PAPPA: variants seen among roughly 807,000 people sequenced by gnomAD.
PAPPA encodes the protein pappalysin-1.
A neutral mutation model predicts 164.0 loss-of-function variants in PAPPA; 60 were observed. The observed-to-expected ratio is 0.37, with a 90% confidence interval of 0.30 to 0.45. The LOEUF is 0.45. PAPPA is among the 20% of genes least tolerant of loss of function. PAPPA has a pLI of 1.00. For synonymous variants in PAPPA, 875 were observed against 814.1 expected, an observed-to-expected ratio of 1.07 and a Z score of -1.27; for missense variants, 1,782 against 2,087.3, an observed-to-expected ratio of 0.85 and a Z score of 2.85.
rs368587068 is a variant in PAPPA, at chr9:116,245,202, G to C, written c.2732+9565G>C. Among the ~76,000 whole-genome samples, 11 of 152,064 alleles carry C rather than the reference G, an allele frequency of 7.2e-5. No homozygotes were observed. In the East Asian group the frequency reaches 2.1e-3, roughly 29 times the overall value. The stretch of plus-strand genomic sequence containing the variant: ...GGTGGATGATGGGCAATTACTTAAG[G>C]GGCACAATGTACATTATTCAGACCG... On this transcript the variant is annotated intron_variant, in intron 7 of 21. Coordinates refer to ENST00000328252, the MANE Select transcript of PAPPA (RefSeq NM_002581.5).
intron 9 of PAPPA, among the ~76,000 whole-genome samples, chr9:116,302,126 T>C (rs1446107859): frequency 6.6e-6 from 1 of 152,172 alleles, no homozygotes. Flanking sequence ...ATGTATGGAA[T>C]CTCAGTTTCC....
At chr9:116,216,068 C>T (rs1844367478) in intron 4 of PAPPA, among the ~76,000 whole-genome samples, 1 of 152,024 alleles carries the variant, frequency 6.6e-6, no homozygotes, top group African/African-American at 2.4e-5. Flanking sequence ...TCCAGATACT[C>T]TACAGTGAAG....
chr9:116,289,642 C>T (rs1845411505), intron 9 of PAPPA, among the ~76,000 whole-genome samples: 1 of 151,972 alleles, frequency 6.6e-6, no homozygotes, highest in African/African-American at 2.4e-5. Flanking sequence ...CAGAGAAGCA[C>T]AGGAATTAGA....
At chr9:116,221,777 C>G (rs1844449711) in intron 5 of PAPPA, among the ~76,000 whole-genome samples, 2 of 152,148 alleles carry the variant, frequency 1.3e-5, no homozygotes, top group Admixed American at 6.5e-5. Flanking sequence ...GTGTATTTGT[C>G]TGCATTTGTG....
intron 17 of PAPPA, 68 bp from the exon 18 acceptor site, chr9:116,362,524 T>C (rs1425732875): frequency 6.6e-7 from 1 of 1,510,994 alleles, no homozygotes; most frequent in Non-Finnish European, 9.0e-7. Flanking sequence ...TTCTGTTGTA[T>C]TCAGAATAGC....
chr9:116,231,710 GAT>G (rs1844596376), intron 6 of PAPPA, among the ~76,000 whole-genome samples: 1 of 108,004 alleles, frequency 9.3e-6, no homozygotes, highest in Non-Finnish European at 1.9e-5. Flanking sequence ...TGGATGGATG[GAT>G]GGATGGATAG....
At chr9:116,184,068 T>C (rs1169681113) in intron 1 of PAPPA, among the ~76,000 whole-genome samples, 1 of 152,180 alleles carries the variant, frequency 6.6e-6, no homozygotes, top group East Asian at 1.9e-4. Flanking sequence ...GTTTTAGATT[T>C]TAATTTTCTC....
At chr9:116,284,645 G>C (rs963840265) in intron 9 of PAPPA, among the ~76,000 whole-genome samples, 1 of 136,684 alleles carries the variant, frequency 7.3e-6, no homozygotes, top group African/African-American at 2.8e-5. Context: ...CTTACACAAA[G>C]CTTGCCATCT....
intron 19 of PAPPA, among the ~76,000 whole-genome samples, chr9:116,376,207 G>A (rs1846651210): frequency 6.6e-6 from 1 of 151,982 alleles, no homozygotes; most frequent in Non-Finnish European, 1.5e-5. Flanking sequence ...TTTTAGTAGA[G>A]ACGGGGTTTC....
chr9:116,334,691 GCAGA>G (rs1289121156), intron 12 of PAPPA, among the ~76,000 whole-genome samples, 166 bp from the exon 13 acceptor site: 1 of 152,136 alleles, frequency 6.6e-6, no homozygotes, highest in Non-Finnish European at 1.5e-5. Context: ...AGAAAAAAAG[GCAGA>G]CAAAGAAACT....
intron 9 of PAPPA, 146 bp from the exon 10 acceptor site, chr9:116,302,611 A>G: frequency 1.8e-6 from 1 of 540,918 alleles, no homozygotes; most frequent in Non-Finnish European, 3.2e-6. Context: ...TTTTTTCAAG[A>G]CTGAGTAATA....
chr9:116,338,573 T>C (rs1846093982), intron 13 of PAPPA, among the ~76,000 whole-genome samples: 1 of 152,198 alleles, frequency 6.6e-6, no homozygotes, highest in Non-Finnish European at 1.5e-5. Context: ...AAGCTGCTCT[T>C]GGCCAGAGAC....
intron 11 of PAPPA, 87 bp from the exon 12 acceptor site, chr9:116,332,246 T>A: frequency 1.7e-6 from 2 of 1,197,550 alleles, no homozygotes; most frequent in Non-Finnish European, 2.4e-6. Flanking sequence ...AAAAAGGAAG[T>A]TTCTCCTCAA....
At chr9:116,305,378 A>T (rs75829166) in intron 10 of PAPPA, among the ~76,000 whole-genome samples, 2 of 151,550 alleles carry the variant, frequency 1.3e-5, no homozygotes, top group Non-Finnish European at 2.9e-5. Flanking sequence ...GGAGGCTCTT[A>T]GAAGTTGGGC....
intron 10 of PAPPA, among the ~76,000 whole-genome samples, chr9:116,325,321 A>C (rs1043074012): frequency 6.6e-6 from 1 of 152,128 alleles, no homozygotes; most frequent in African/African-American, 2.4e-5. Context: ...TATTGTGACT[A>C]TGAAACCCTT....
chr9:116,254,268 A>C (rs574702946), intron 7 of PAPPA, among the ~76,000 whole-genome samples: 1 of 152,344 alleles, frequency 6.6e-6, no homozygotes, highest in South Asian at 2.1e-4. Context: ...AGTGAAGGCT[A>C]TTTCGTTGGA....
intron 10 of PAPPA, among the ~76,000 whole-genome samples, chr9:116,321,922 G>C (rs915022319): frequency 6.6e-6 from 1 of 152,166 alleles, no homozygotes; most frequent in Non-Finnish European, 1.5e-5. Flanking sequence ...AGAGTTATTG[G>C]GAGGTCAAGC....
chr9:116,279,735 A>C (rs1254571187), intron 9 of PAPPA, among the ~76,000 whole-genome samples: 1 of 152,172 alleles, frequency 6.6e-6, no homozygotes, highest in Non-Finnish European at 1.5e-5. Context: ...CTGCACATAC[A>C]TGTGCCTTGA....
intron 7 of PAPPA, among the ~76,000 whole-genome samples, chr9:116,256,146 AT>A (rs1273292227): frequency 1.3e-5 from 2 of 152,042 alleles, no homozygotes; most frequent in African/African-American, 2.4e-5. Context: ...GAATCTGAAA[AT>A]TAAAAACATG....
Sources: gnomAD v4.1 joint callset for allele counts (sites outside exome capture counted in the v4.1 genomes callset) on GRCh38, gnomAD v4.1.1 for gene constraint, MANE v1.5 for transcripts, NCBI Gene and HGNC (gene_info 2026-07-23, HGNC 2026-07-21) for gene names.